The following AGBL4 variants were observed in gnomAD, a reference collection of about 807,000 sequenced individuals.
AGBL4 encodes the protein AGBL carboxypeptidase 4.
Under a neutral mutation model 66.4 loss-of-function variants are expected in AGBL4, and 58 were observed. The ratio of observed to expected loss-of-function variants is 0.87; its 90% CI spans 0.71 to 1.09. The LOEUF (loss-of-function observed/expected upper bound fraction) is 1.09. Ranked by LOEUF, AGBL4 falls within the 50% of genes least tolerant of loss-of-function variation. The probability of loss-of-function intolerance (pLI) is 0.00; values close to 1 mark genes in which losing one functional copy is unlikely to be tolerated. For synonymous variants in AGBL4, 234 were observed against 222.9 expected, an observed-to-expected ratio of 1.05 and a Z score of -0.44; for missense variants, 579 against 631.0, an observed-to-expected ratio of 0.92 and a Z score of 0.88.
At chr1:49,092,283 A>C (rs924962640) in intron 4 of AGBL4, among the ~76,000 whole-genome samples, 2 of 152,202 alleles carry the variant, frequency 1.3e-5, no homozygotes, top group Non-Finnish European at 2.9e-5. Flanking sequence ...ATCTTAAGAT[A>C]AAGGATAATG....
At chr1:49,339,774 A>C (rs1004110341) in intron 3 of AGBL4, among the ~76,000 whole-genome samples, 1 of 152,186 alleles carries the variant, frequency 6.6e-6, no homozygotes, top group Admixed American at 6.5e-5. Flanking sequence ...TGATCTATAC[A>C]GGTATAGAGC....
rs1244446583 is a variant in AGBL4 at position 49,445,010 on chromosome 1, G to T, written c.283-199146C>A. ...GCAAAAGTAGTCCCTTCATTTCCAG[G>T]TTTAGGACTCCCTTGAGCATTTTTC... On this transcript the variant is annotated intron_variant, in intron 3 of 13. Transcript: ENST00000371839. 4.0e-5 allele frequency among the ~76,000 whole-genome samples: 6 copies of T among 151,332 alleles called. No homozygotes were observed. The South Asian group carries it at 6.2e-4, about 16-fold the overall frequency.
intron 5 of AGBL4, among the ~76,000 whole-genome samples, chr1:48,928,483 C>A (rs74668990): frequency 0.042 from 6,324 of 152,126 alleles, 421 homozygotes; most frequent in African/African-American, 0.14. Context: ...AATTTCATAA[C>A]GATTTAGTTA....
intron 5 of AGBL4, among the ~76,000 whole-genome samples, chr1:48,966,070 A>G (rs1658390225): frequency 6.6e-6 from 1 of 152,138 alleles, no homozygotes; most frequent in Non-Finnish European, 1.5e-5. Flanking sequence ...TCCCTGTAAA[A>G]TGAGCATAAT....
At chr1:48,556,714 C>T (rs1297896977) in intron 11 of AGBL4, among the ~76,000 whole-genome samples, 3 of 152,218 alleles carry the variant, frequency 2.0e-5, no homozygotes, top group Admixed American at 6.5e-5. Context: ...TCCTGGCACT[C>T]CTTCACAGTT....
At chr1:49,562,201 G>C (rs866125460) in intron 3 of AGBL4, among the ~76,000 whole-genome samples, 1 of 152,076 alleles carries the variant, frequency 6.6e-6, no homozygotes, top group Non-Finnish European at 1.5e-5. Flanking sequence ...GTAGATTCTG[G>C]ATATTAGCCC....
chr1:49,458,887 T>C (rs1646448028), intron 3 of AGBL4, among the ~76,000 whole-genome samples: 1 of 151,796 alleles, frequency 6.6e-6, no homozygotes, highest in Non-Finnish European at 1.5e-5. Context: ...TGTTAAACCA[T>C]CCCTGCATCC....
chr1:49,274,352 CA>C (rs1360332471), intron 3 of AGBL4, among the ~76,000 whole-genome samples: 1 of 151,842 alleles, frequency 6.6e-6, no homozygotes, highest in Non-Finnish European at 1.5e-5. Flanking sequence ...AAAAAATTGT[CA>C]AATAAAAAAT....
At chr1:48,924,147 T>A (rs1654326045) in intron 5 of AGBL4, among the ~76,000 whole-genome samples, 1 of 152,030 alleles carries the variant, frequency 6.6e-6, no homozygotes, top group Non-Finnish European at 1.5e-5. Context: ...TATGGAAGGT[T>A]TTTTTGTCAA....
chr1:48,691,589 G>A (rs1646633588), intron 6 of AGBL4, among the ~76,000 whole-genome samples: 1 of 152,096 alleles, frequency 6.6e-6, no homozygotes, highest in Non-Finnish European at 1.5e-5. Flanking sequence ...GAGAAATTGG[G>A]GTTGGAGACC....
At chr1:49,824,166 G>A (rs1311285164) in intron 2 of AGBL4, among the ~76,000 whole-genome samples, 5 of 152,044 alleles carry the variant, frequency 3.3e-5, no homozygotes, top group African/African-American at 4.8e-5. Flanking sequence ...CCGAGATCGC[G>A]CATTGCACTC....
At chr1:48,822,185 C>T (rs1263987779) in intron 6 of AGBL4, among the ~76,000 whole-genome samples, 4 of 152,152 alleles carry the variant, frequency 2.6e-5, no homozygotes, top group South Asian at 2.1e-4. Context: ...TTCCTGGCTA[C>T]TTATCCAATG....
chr1:49,547,708 C>T (rs1652606208), intron 3 of AGBL4, among the ~76,000 whole-genome samples: 2 of 151,694 alleles, frequency 1.3e-5, no homozygotes, highest in African/African-American at 4.8e-5. Context: ...AGGTTTTTCA[C>T]CTTCTTGGTT....
intron 5 of AGBL4, among the ~76,000 whole-genome samples, chr1:48,936,318 T>A (rs2148909453): frequency 6.6e-6 from 1 of 152,180 alleles, no homozygotes; most frequent in Middle Eastern, 3.4e-3. Flanking sequence ...TAAAGAGCAT[T>A]TCCCTTTCTA....
At chr1:49,854,916 T>C (rs1474634380) in intron 1 of AGBL4, among the ~76,000 whole-genome samples, 1 of 152,160 alleles carries the variant, frequency 6.6e-6, no homozygotes, top group Non-Finnish European at 1.5e-5. Flanking sequence ...GAATGCACCA[T>C]CAGAGAGCTT....
In AGBL4 at chr1:48,715,848, T is replaced by G. The variant is rs577644555; in HGVS notation, c.635-52607A>C. 5.9e-5 allele frequency among the ~76,000 whole-genome samples: 9 copies of G among 152,350 alleles called. No individual in the cohort carries two copies. In the East Asian group the frequency reaches 1.5e-3, roughly 26 times the overall value. On this transcript the variant is annotated intron_variant, in intron 6 of 13. Coordinates refer to ENST00000371839, the MANE Select transcript of AGBL4 (RefSeq NM_032785.4). ...CTTTTCTGGTCTTTTGGTTATTAAA[T>G]TTAATCACTTTTGAGCTGTGCCTCT...
chr1:48,567,384 T>A (rs545211193), intron 11 of AGBL4, among the ~76,000 whole-genome samples: 2 of 152,280 alleles, frequency 1.3e-5, no homozygotes, highest in Non-Finnish European at 1.5e-5. Context: ...TCTTTCAGCA[T>A]CCAAACACAT....
rs1057501926 is a variant in AGBL4 at position 49,727,892 on chromosome 1, C to A, written c.158-30455G>T. Reference sequence around the variant, plus strand: ...ATTATTATTATTATACCCATATTCCCCAAGGTGAAATAATGTTTTCTGAAA... The same window carrying A: ...ATTATTATTATTATACCCATATTCCACAAGGTGAAATAATGTTTTCTGAAA... On this transcript the variant is annotated intron_variant, in intron 2 of 13. Coordinates refer to ENST00000371839, the MANE Select transcript of AGBL4 (RefSeq NM_032785.4). Among the ~76,000 whole-genome samples the A allele has an allele frequency of 3.9e-5, 6 of 151,946 alleles. 1 individual carries two copies. Among genetic ancestry groups the A allele is most frequent in the Non-Finnish European group, 8.8e-5 (6 of 67,996 alleles).
intron 3 of AGBL4, among the ~76,000 whole-genome samples, chr1:49,441,438 C>A (rs1310044721): frequency 6.6e-6 from 1 of 152,188 alleles, no homozygotes; most frequent in African/African-American, 2.4e-5. Context: ...AGATGGTCCA[C>A]TGTGACCGAC....
Sources: allele counts gnomAD v4.1 joint callset (sites outside exome capture counted in the v4.1 genomes callset), GRCh38; gene constraint gnomAD v4.1.1; transcripts MANE v1.5; gene names NCBI Gene and HGNC (gene_info 2026-07-23, HGNC 2026-07-21).